Variants in CLVS2 observed in about 807,000 individuals in gnomAD.
CLVS2 encodes the protein clavesin-2.
CLVS2 carries 19 observed loss-of-function variants against 29.0 expected under a neutral mutation model. The observed-to-expected ratio is 0.66, with a 90% CI of 0.46 to 0.96. The LOEUF is 0.96. Among genes scored for constraint, CLVS2 ranks in the 40% least tolerant of loss-of-function variants. The probability of loss-of-function intolerance (pLI) is 0.00; values close to 1 mark genes in which losing one functional copy is unlikely to be tolerated. For synonymous variants in CLVS2, 161 were observed against 151.3 expected (o/e 1.06, Z -0.47); for missense variants, 294 against 404.1 (o/e 0.73, Z 2.34).
intron 3 of CLVS2, among the ~76,000 whole-genome samples, chr6:123,038,746 C>T (rs1384688662): frequency 6.6e-6 from 1 of 152,014 alleles, no homozygotes; most frequent in Middle Eastern, 3.4e-3. Context: ...ATGCCGCTTA[C>T]TGGCTCTTTG....
At chr6:123,029,305 C>G (rs957734074) in intron 3 of CLVS2, among the ~76,000 whole-genome samples, 3 of 151,886 alleles carry the variant, frequency 2.0e-5, no homozygotes, top group Non-Finnish European at 4.4e-5. Context: ...GCTGTGTTAA[C>G]GTAAAATTTC....
intron 5 of CLVS2, among the ~76,000 whole-genome samples, chr6:123,060,335 T>C (rs1000421118): frequency 1.3e-5 from 2 of 152,230 alleles, no homozygotes; most frequent in Non-Finnish European, 2.9e-5. Flanking sequence ...GTCTTTTACC[T>C]TATGCCGCCA....
chr6:123,010,447 C>A (rs577044840), intron 2 of CLVS2, among the ~76,000 whole-genome samples: 2 of 152,044 alleles, frequency 1.3e-5, no homozygotes, highest in Admixed American at 6.6e-5. Context: ...ACTTTTCCCA[C>A]TTTTATTTAT....
chr6:123,036,252 T>A lies in CLVS2; in HGVS notation c.565-12370T>A, dbSNP rs918140378. ...ACTTTGTAGCAATGTAAAATAAAACTTCTAGAGAATAGCTTTGGGTGATTA... is the reference window on the plus strand; with the variant it reads ...ACTTTGTAGCAATGTAAAATAAAACATCTAGAGAATAGCTTTGGGTGATTA... On this transcript the variant is annotated intron_variant, in intron 3 of 5. Transcript: ENST00000275162. Among the ~76,000 whole-genome samples the A allele has an allele frequency of 3.2e-4, 48 of 152,142 alleles. 1 individual carries two copies. Among genetic ancestry groups the A allele is most frequent in the African/African-American group, 1.1e-3 (46 of 41,426 alleles).
At chr6:123,026,832 A>T (rs553966294) in intron 3 of CLVS2, among the ~76,000 whole-genome samples, 1 of 152,312 alleles carries the variant, frequency 6.6e-6, no homozygotes, top group East Asian at 1.9e-4. Context: ...TAAGATAGCC[A>T]TGAATGAAGT....
intron 3 of CLVS2, among the ~76,000 whole-genome samples, chr6:123,028,427 A>T (rs1775033912): frequency 6.6e-6 from 1 of 152,198 alleles, no homozygotes; most frequent in Non-Finnish European, 1.5e-5. Context: ...TGGGAGGCCG[A>T]GGCAAGCGGA....
intron 3 of CLVS2, among the ~76,000 whole-genome samples, chr6:123,013,654 AT>A (rs148734781): frequency 0.021 from 3,180 of 151,460 alleles, 103 homozygotes; most frequent in African/African-American, 0.071. Context: ...ATTTTATTTT[AT>A]TTTTTTATTT....
At position 123,069,113 on chromosome 6, in the gene CLVS2, A is replaced by G. The variant is rs1772903118; in HGVS notation, c.*5352A>G. 1 of 151,738 alleles carries G rather than the reference A, an allele frequency of 6.6e-6. No individual in the cohort carries two copies. The highest frequency in any genetic ancestry group is 1.5e-5 in the Non-Finnish European group (1 of 67,782). The allele number at this position is 151,738 out of a possible 1,614,324, so 9.4% of individuals were successfully genotyped here. On this transcript the variant is annotated 3_prime_UTR_variant, in exon 6 of 6. Coordinates refer to ENST00000275162, the MANE Select transcript of CLVS2 (RefSeq NM_001010852.4). ...TATAGTAATTTGTTTCATCAAAATG[A>G]CGTATTCAATATTCTATAACTTCTA...
chr6:123,001,691 AC>A (rs1413617338), intron 2 of CLVS2, among the ~76,000 whole-genome samples: 10 of 152,158 alleles, frequency 6.6e-5, no homozygotes, highest in Non-Finnish European at 1.5e-4. Flanking sequence ...CCTGCTTAGG[AC>A]TCAGCAAATA....
intron 2 of CLVS2, among the ~76,000 whole-genome samples, chr6:123,010,222 C>T (rs1043271854): frequency 4.6e-5 from 7 of 151,966 alleles, no homozygotes; most frequent in Admixed American, 2.0e-4. Context: ...TCCGTTGCCT[C>T]CATTGAAGCA....
rs1009433384 is a variant in CLVS2, at chr6:123,071,803, A to C, written c.*8042A>C. 5 of 151,962 alleles carry C rather than the reference A, an allele frequency of 3.3e-5. No individual in the cohort carries two copies. Among genetic ancestry groups the C allele is most frequent in the Admixed American group, 6.6e-5 (1 of 15,212 alleles). The allele number at this position is 151,962 out of a possible 1,614,324, so 9.4% of individuals were successfully genotyped here. A position where few individuals can be genotyped will look rare whatever the true frequency, so the allele number is the denominator to read the frequency against. ...TATATTATAGTCATTTAGTCTGTGA[A>C]CCATTTTAACAATTGGGTTTCATGT... On this transcript the variant is annotated 3_prime_UTR_variant, in exon 6 of 6. Transcript: ENST00000275162.
chr6:123,032,453 T>A (rs1312980600), intron 3 of CLVS2, among the ~76,000 whole-genome samples: 2 of 152,100 alleles, frequency 1.3e-5, no homozygotes, highest in East Asian at 3.9e-4. Flanking sequence ...GTAAAAAATC[T>A]TATTTCAATT....
At chr6:123,012,924 T>C (rs1774772082) in intron 3 of CLVS2, among the ~76,000 whole-genome samples, 1 of 152,042 alleles carries the variant, frequency 6.6e-6, no homozygotes, top group South Asian at 2.1e-4. Context: ...ATTTGATGTG[T>C]TACTAACCTT....
intron 3 of CLVS2, among the ~76,000 whole-genome samples, chr6:123,020,214 A>G (rs549566719): frequency 3.3e-5 from 5 of 152,100 alleles, no homozygotes; most frequent in Non-Finnish European, 5.9e-5. Flanking sequence ...GGGATCAGAA[A>G]TACTTTGGAT....
intron 4 of CLVS2, among the ~76,000 whole-genome samples, chr6:123,050,124 G>A (rs1355957970): frequency 6.6e-6 from 1 of 152,138 alleles, no homozygotes; most frequent in African/African-American, 2.4e-5. Context: ...TTAGGAGGAA[G>A]AATTCTATAA....
chr6:123,029,233 G>A (rs564243619), intron 3 of CLVS2, among the ~76,000 whole-genome samples: 33 of 152,280 alleles, frequency 2.2e-4, no homozygotes, highest in Admixed American at 2.1e-3. Flanking sequence ...CTCCACTTGT[G>A]TTTTGATCAG....
chr6:123,017,787 A>G (rs992496477), intron 3 of CLVS2, among the ~76,000 whole-genome samples: 1 of 152,096 alleles, frequency 6.6e-6, no homozygotes, highest in African/African-American at 2.4e-5. Flanking sequence ...ATGCCTATGT[A>G]TGTACATATA....
rs372072412 is a variant in CLVS2, at chr6:123,056,040, A to T, written c.896+14A>T. On this transcript the variant is annotated intron_variant, in intron 5 of 5. Coordinates refer to ENST00000275162, the MANE Select transcript of CLVS2 (RefSeq NM_001010852.4). The stretch of plus-strand genomic sequence containing the variant: ...GTCCATGAAGAGGTATGCTGGAGGT[A>T]GACTGGGGAGTGGGCTGGGCCAGGG... 28 of 1,587,050 alleles carry T rather than the reference A, an allele frequency of 1.8e-5. No homozygotes were observed. The East Asian group carries it at 5.4e-4, about 31-fold the overall frequency.
At chr6:123,042,724 G>T in intron 3 of CLVS2, among the ~76,000 whole-genome samples, 1 of 152,146 alleles carries the variant, frequency 6.6e-6, no homozygotes, top group East Asian at 1.9e-4. Flanking sequence ...GCTTTCGTCA[G>T]GAAGGCAAGT....
Sources: allele counts gnomAD v4.1 joint callset (sites outside exome capture counted in the v4.1 genomes callset), GRCh38; gene constraint gnomAD v4.1.1; transcripts MANE v1.5; gene names NCBI Gene and HGNC (gene_info 2026-07-23, HGNC 2026-07-21).